RMC1: variants seen among roughly 807,000 people sequenced by gnomAD.
The protein encoded by RMC1 is regulator of MON1-CCZ1.
In RMC1, 44 loss-of-function variants were observed where a neutral mutation model predicts 95.5. That is an observed-to-expected ratio of 0.46 (90% CI 0.36 to 0.59). RMC1 has a LOEUF of 0.59. Among genes scored for constraint, RMC1 ranks in the 20% least tolerant of loss-of-function variants. RMC1 has a pLI of 0.00. For synonymous variants in RMC1, 320 were observed against 303.6 expected, an observed-to-expected ratio of 1.05 and a Z score of -0.56; for missense variants, 705 against 819.6, an observed-to-expected ratio of 0.86 and a Z score of 1.71.
At chr18:23,529,471 C>T in intron 15 of RMC1, 164 bp from the exon 16 acceptor site, 1 of 1,258,894 alleles carries the variant, frequency 7.9e-7, no homozygotes, top group Non-Finnish European at 1.1e-6. Flanking sequence ...AGGCCTAAAG[C>T]ATAATTGTTG....
chr18:23,524,645 A>G (rs987477408), intron 12 of RMC1, among the ~76,000 whole-genome samples, 163 bp downstream of exon 12: 4 of 151,648 alleles, frequency 2.6e-5, no homozygotes, highest in Non-Finnish European at 5.9e-5. Flanking sequence ...TTTTTACTAT[A>G]TGTGCATTTT....
At chr18:23,512,144 C>A (rs1031209072) in intron 5 of RMC1, among the ~76,000 whole-genome samples, 2 of 151,778 alleles carry the variant, frequency 1.3e-5, no homozygotes, top group Non-Finnish European at 2.9e-5. Flanking sequence ...CCTCAGCCTC[C>A]CAAGTAGCTG....
At chr18:23,510,901 G>T (rs1328077943) in intron 5 of RMC1, among the ~76,000 whole-genome samples, 1 of 152,232 alleles carries the variant, frequency 6.6e-6, no homozygotes, top group Non-Finnish European at 1.5e-5. Context: ...TTCAACCTTT[G>T]TGGAAAACAG....
intron 2 of RMC1, among the ~76,000 whole-genome samples, chr18:23,505,305 G>A (rs1032385506): frequency 6.6e-6 from 1 of 152,012 alleles, no homozygotes; most frequent in East Asian, 1.9e-4. Context: ...AAAACGATCC[G>A]CCCGCCTCAG....
chr18:23,514,862 C>T (rs575359500), intron 5 of RMC1, among the ~76,000 whole-genome samples: 2 of 152,242 alleles, frequency 1.3e-5, no homozygotes, highest in South Asian at 2.1e-4. Context: ...CCCTGACTTG[C>T]GCAGCAGTTC....
chr18:23,522,063 G>A lies in RMC1; in HGVS notation c.961+1750G>A, dbSNP rs540442480. 2.6e-5 allele frequency among the ~76,000 whole-genome samples: 4 copies of A among 152,280 alleles called. No homozygotes were observed. The South Asian group carries it at 8.3e-4, about 32-fold the overall frequency. ...CAGGATTTCCTTGTACCGTTCACCC[G>A]GGAGTTCAGAATCGCACTCTGGCTG... On this transcript the variant is annotated intron_variant, in intron 10 of 19. Coordinates refer to ENST00000269221, the MANE Select transcript of RMC1 (RefSeq NM_013326.5).
At position 23,518,770 on chromosome 18, in the gene RMC1, G is replaced by A. The variant is rs1300383182; in HGVS notation, c.654-120G>A. The A allele has an allele frequency of 3.6e-6, 3 of 835,380 alleles. No homozygotes were observed. In the African/African-American group the frequency reaches 5.1e-5, roughly 14 times the overall value. The allele number at this position is 835,380 out of a possible 1,614,324, so 51.7% of individuals were successfully genotyped here. A position where few individuals can be genotyped will look rare whatever the true frequency, so the allele number is the denominator to read the frequency against. Reference sequence around the variant, plus strand: ...ACTGCATGTTTCTTTGTAAACACTTGTTGGCAGCAAAATACTCCATTAAGT... The same window carrying A: ...ACTGCATGTTTCTTTGTAAACACTTATTGGCAGCAAAATACTCCATTAAGT... On this transcript the variant is annotated intron_variant, in intron 7 of 19. Coordinates refer to ENST00000269221, the MANE Select transcript of RMC1 (RefSeq NM_013326.5).
intron 14 of RMC1, 38 bp downstream of exon 14, chr18:23,527,939 C>G: frequency 6.9e-7 from 1 of 1,458,792 alleles, no homozygotes; most frequent in African/African-American, 1.4e-5. Context: ...TCCTCCTCCC[C>G]CACCCCCTCC....
intron 10 of RMC1, among the ~76,000 whole-genome samples, chr18:23,521,416 C>T (rs1211420808): frequency 6.6e-6 from 1 of 152,188 alleles, no homozygotes; most frequent in Admixed American, 6.5e-5. Flanking sequence ...TTACTGTAAC[C>T]TGGGATCACT....
At chr18:23,523,560 A>G (rs188988952) in intron 10 of RMC1, among the ~76,000 whole-genome samples, 1,732 of 148,876 alleles carry the variant, frequency 0.012, 38 homozygotes, top group African/African-American at 0.042. Context: ...AAAAAAAAAA[A>G]AAAAAAAAAG....
intron 3 of RMC1, among the ~76,000 whole-genome samples, chr18:23,507,288 C>T (rs1485848849): frequency 6.6e-6 from 1 of 152,064 alleles, no homozygotes; most frequent in East Asian, 1.9e-4. Flanking sequence ...TTGAGCCAGT[C>T]TTCCTTTGTT....
Position 23,516,431 on chromosome 18 carries a change from CGT to C in RMC1, c.653+11_653+12del. 1 of 1,612,168 alleles carries C rather than the reference CGT, an allele frequency of 6.2e-7. No individual in the cohort carries two copies. The highest frequency in any genetic ancestry group is 8.5e-7 in the Non-Finnish European group (1 of 1,178,214). On this transcript the variant is annotated intron_variant, in intron 7 of 19. Transcript: ENST00000269221. ...CATCGCAATGGCTACCATGTATGTC[CGT>C]GTCAGAGAGAATTCCATCCTGTGAT...
Position 23,524,319 on chromosome 18 carries a change from C to T in RMC1, c.1007-110C>T, listed in dbSNP as rs3745022. ...AGCTTCCCTGACTGTCCAGGGGCCT[C>T]GCGTTTAGCGTGGACTCAGTACATG... is the stretch of plus-strand genomic sequence containing the variant. On this transcript the variant is annotated intron_variant, in intron 11 of 19. Transcript: ENST00000269221. 34,198 of 1,490,070 alleles carry T rather than the reference C, an allele frequency of 0.023. 2,258 individuals carry two copies. In the East Asian group the frequency reaches 0.28, roughly 12 times the overall value. 92.3% of individuals were successfully genotyped at this position (1,490,070 alleles called of 1,614,324 possible).
At position 23,527,858 on chromosome 18, in the gene RMC1, A is replaced by G. The variant is rs767119045; in HGVS notation, c.1253A>G (p.His418Arg). Residue 418 changes from histidine to arginine, a missense_variant, in exon 14 of 20, where the codon CAT (histidine) becomes CGT (arginine). Transcript: ENST00000269221. Reference sequence around the variant, plus strand: ...GCCACTGTTTTTGATAAACTCAACCATGAGTATAAAAAGTACCTGGATGCC... The same window carrying G: ...GCCACTGTTTTTGATAAACTCAACCGTGAGTATAAAAAGTACCTGGATGCC... Reference protein sequence around the residue: ...VIATVFDKLNHEYKKYLDAEQ... With the variant: ...VIATVFDKLNREYKKYLDAEQ... 16 of 1,614,180 alleles carry G rather than the reference A, an allele frequency of 9.9e-6. No homozygotes were observed. The highest frequency in any genetic ancestry group is 5.5e-5 in the South Asian group (5 of 91,082).
chr18:23,504,465 T>C lies in RMC1; in HGVS notation c.179+18T>C, dbSNP rs1218075499. 7 of 1,575,140 alleles carry C rather than the reference T, an allele frequency of 4.4e-6. No homozygotes were observed. Among genetic ancestry groups the C allele is most frequent in the African/African-American group, 1.4e-5 (1 of 73,934 alleles). On this transcript the variant is annotated intron_variant, in intron 2 of 19. Coordinates refer to ENST00000269221, the MANE Select transcript of RMC1 (RefSeq NM_013326.5). ...TCATTTAGGTAATGGTATAGACACT[T>C]TCAGATCATTTTGTCATGTAAACAG...
chr18:23,509,795 G>A (rs868373147), intron 5 of RMC1: 3 of 151,974 alleles, frequency 2.0e-5, no homozygotes, highest in African/African-American at 7.2e-5. Flanking sequence ...CCGACCTCAG[G>A]TGATCCACCC....
chr18:23,503,499 C>T (rs2057640699), upstream of RMC1: 1 of 535,692 alleles, frequency 1.9e-6, no homozygotes, highest in Non-Finnish European at 2.8e-6. Context: ...AAGCGGCGTC[C>T]GCGCCGGGCC....
chr18:23,527,902 G>T lies in RMC1; in HGVS notation c.1296+1G>T. 1 of 1,612,204 alleles carries T rather than the reference G, an allele frequency of 6.2e-7. No individual in the cohort carries two copies. Among genetic ancestry groups the T allele is most frequent in the Non-Finnish European group, 8.5e-7 (1 of 1,178,654 alleles). ...GGATGCCGAGCAGAGTTATGCGATGGTGAGTTACATGGAGTATGACAAAGG... is the reference window on the plus strand; with the variant it reads ...GGATGCCGAGCAGAGTTATGCGATGTTGAGTTACATGGAGTATGACAAAGG... On this transcript the variant is annotated splice_donor_variant, in intron 14 of 19. Coordinates refer to ENST00000269221, the MANE Select transcript of RMC1 (RefSeq NM_013326.5). LOFTEE classifies it high-confidence loss of function.
intron 2 of RMC1, among the ~76,000 whole-genome samples, chr18:23,505,956 C>T (rs1030374968): frequency 6.6e-6 from 1 of 152,038 alleles, no homozygotes; most frequent in Non-Finnish European, 1.5e-5. Flanking sequence ...CACTTGAGAT[C>T]AGGAGTTCGA....
Sources: allele counts gnomAD v4.1 joint callset (sites outside exome capture counted in the v4.1 genomes callset), GRCh38; gene constraint gnomAD v4.1.1; transcripts MANE v1.5; gene names NCBI Gene and HGNC (gene_info 2026-07-23, HGNC 2026-07-21).